ZC3HAV1: variants seen among roughly 807,000 people sequenced by gnomAD.
ZC3HAV1 encodes zinc finger CCCH-type containing, antiviral 1, also known as zinc finger CCCH-type antiviral protein 1.
A neutral mutation model predicts 86.6 loss-of-function variants in ZC3HAV1; 41 were observed. That is an observed-to-expected ratio of 0.47 (90% CI 0.37 to 0.61). The LOEUF (loss-of-function observed/expected upper bound fraction) is 0.61. Among genes scored for constraint, ZC3HAV1 ranks in the 20% least tolerant of loss-of-function variants. The pLI is 0.00. For missense variants in ZC3HAV1, 964 were observed against 1,141.1 expected, an observed-to-expected ratio of 0.84 and a Z score of 2.24; for synonymous variants, 421 against 432.1, an observed-to-expected ratio of 0.97 and a Z score of 0.32.
intron 8 of ZC3HAV1, among the ~76,000 whole-genome samples, chr7:139,063,723 CAAAAAAA>C (rs57944873): frequency 5.9e-4 from 44 of 73,974 alleles, no homozygotes; most frequent in Admixed American, 3.6e-3. Context: ...GACCCTGTCT[CAAAAAAA>C]AAAAAAAAAA....
Position 139,074,025 on chromosome 7 carries a change from G to T in ZC3HAV1, c.1703C>A (p.Ser568Tyr), listed in dbSNP as rs1563131216. 1.2e-6 allele frequency: 2 copies of T among 1,611,014 alleles called. No homozygotes were observed. The highest frequency in any genetic ancestry group is 1.1e-5 in the South Asian group (1 of 90,908). ...AAAATTGATTGTATAACTTCCTACA[G>T]AACAGCTGAGAGAGAAAAGTATTAA... ...GYCNPGIHLCSVGSYTINFRV... is the reference protein window; with the variant it reads ...GYCNPGIHLCYVGSYTINFRV... The change falls in exon 7 of 13, where the codon TCT becomes TAT. Residue 568 changes from serine to tyrosine, a missense_variant. Coordinates refer to ENST00000242351, the MANE Select transcript of ZC3HAV1 (RefSeq NM_020119.4).
chr7:139,106,429 A>T (rs1395959050), intron 1 of ZC3HAV1, among the ~76,000 whole-genome samples: 2 of 152,198 alleles, frequency 1.3e-5, no homozygotes, highest in Non-Finnish European at 2.9e-5. Flanking sequence ...CCTGGCCAAC[A>T]TCGCGAAACC....
chr7:139,053,050 T>C (rs1176820417), intron 12 of ZC3HAV1, among the ~76,000 whole-genome samples: 4 of 152,196 alleles, frequency 2.6e-5, no homozygotes, highest in Non-Finnish European at 5.9e-5. Context: ...GGGAGAGGCC[T>C]CTTCTCCCGC....
intron 12 of ZC3HAV1, among the ~76,000 whole-genome samples, chr7:139,052,606 CAAAAAAAAAAAAA>C (rs35386659): frequency 4.6e-5 from 3 of 64,962 alleles, no homozygotes; most frequent in South Asian, 1.1e-3. Context: ...ACTCTGTCTC[CAAAAAAAAAAAAA>C]AAAAAAAAAA....
chr7:139,067,875 A>T (rs1816651958), intron 7 of ZC3HAV1, among the ~76,000 whole-genome samples: 1 of 152,102 alleles, frequency 6.6e-6, no homozygotes, highest in African/African-American at 2.4e-5. Flanking sequence ...AAATGGGATG[A>T]GGCAAAGGGG....
intron 7 of ZC3HAV1, among the ~76,000 whole-genome samples, chr7:139,070,563 C>T (rs1816742246): frequency 6.7e-6 from 1 of 149,530 alleles, no homozygotes; most frequent in South Asian, 2.1e-4. Context: ...ATTTGGGAGG[C>T]TGAGGCAGGA....
At chr7:139,073,825 A>C in intron 7 of ZC3HAV1, 31 bp downstream of exon 7, 2 of 1,571,450 alleles carry the variant, frequency 1.3e-6, no homozygotes, top group Non-Finnish European at 1.7e-6. Context: ...AGTTTAAACA[A>C]GAGCCCCCTA....
chr7:139,076,003 CA>C (rs1241886613), intron 6 of ZC3HAV1, among the ~76,000 whole-genome samples: 1 of 152,170 alleles, frequency 6.6e-6, no homozygotes, highest in Non-Finnish European at 1.5e-5. Flanking sequence ...AGACAACTGT[CA>C]ACTAAACAAA....
intron 9 of ZC3HAV1, among the ~76,000 whole-genome samples, chr7:139,058,659 T>C (rs1174543857): frequency 6.6e-6 from 1 of 152,072 alleles, no homozygotes; most frequent in African/African-American, 2.4e-5. Flanking sequence ...TGTTATAGTA[T>C]GGGAAAGTGG....
intron 7 of ZC3HAV1, among the ~76,000 whole-genome samples, chr7:139,072,089 G>A (rs932343954): frequency 7.2e-5 from 11 of 152,170 alleles, no homozygotes; most frequent in African/African-American, 2.7e-4. Context: ...CCGTGCAAAA[G>A]TAATCAGTTT....
chr7:139,051,201 G>A (rs1032521852), intron 12 of ZC3HAV1, among the ~76,000 whole-genome samples: 2 of 151,970 alleles, frequency 1.3e-5, no homozygotes, highest in African/African-American at 4.8e-5. Flanking sequence ...GGGATTACAG[G>A]CATGGGCCAC....
intron 7 of ZC3HAV1, among the ~76,000 whole-genome samples, chr7:139,071,583 C>T (rs116337122): frequency 0.011 from 1,657 of 152,284 alleles, 29 homozygotes; most frequent in African/African-American, 0.038. Flanking sequence ...CTGACAGAAT[C>T]GCTTATTTGA....
chr7:139,060,353 TAG>T lies in ZC3HAV1; in HGVS notation c.2096+681_2096+682del, dbSNP rs1816407418. 9 of 985,494 alleles carry T rather than the reference TAG, an allele frequency of 9.1e-6. No individual in the cohort carries two copies. The South Asian group carries it at 4.2e-4, about 46-fold the overall frequency. 61.0% of individuals were successfully genotyped at this position (985,494 alleles called of 1,614,324 possible). A position where few individuals can be genotyped will look rare whatever the true frequency, so the allele number is the denominator to read the frequency against. On this transcript the variant is annotated intron_variant, in intron 9 of 12. Transcript: ENST00000242351. ...ACTCCAAAAATGTTCATGAACAATG[TAG>T]AGTTTACTGAGCAGTTCACAAGGAG...
intron 5 of ZC3HAV1, 107 bp from the exon 6 acceptor site, chr7:139,076,516 CA>C (rs1219964076): frequency 2.1e-6 from 3 of 1,444,166 alleles, no homozygotes; most frequent in Non-Finnish European, 2.8e-6. Context: ...TGCCCCCTGC[CA>C]GACAGGTTCC....
chr7:139,083,395 TG>T (rs1178113255), intron 3 of ZC3HAV1, among the ~76,000 whole-genome samples: 1 of 152,166 alleles, frequency 6.6e-6, no homozygotes, highest in Admixed American at 6.5e-5. Context: ...AGAGTGATTA[TG>T]GCAGTTTTTC....
intron 1 of ZC3HAV1, among the ~76,000 whole-genome samples, chr7:139,101,089 C>T (rs998852435): frequency 3.0e-4 from 46 of 152,316 alleles, no homozygotes; most frequent in African/African-American, 1.1e-3. Context: ...GAGTGATCCG[C>T]CAGCCTCGGC....
chr7:139,074,214 C>T (rs76564678), intron 6 of ZC3HAV1, among the ~76,000 whole-genome samples, 184 bp from the exon 7 acceptor site: 2,511 of 152,244 alleles, frequency 0.016, 68 homozygotes, highest in African/African-American at 0.057. Flanking sequence ...GAAAGTGACT[C>T]GCCTGCACCA....
chr7:139,058,447 C>A (rs912244093), intron 9 of ZC3HAV1, among the ~76,000 whole-genome samples: 7 of 147,162 alleles, frequency 4.8e-5, no homozygotes, highest in African/African-American at 1.3e-4. Flanking sequence ...CCAACCCCCC[C>A]CCCCCCCACA....
At position 139,066,047 on chromosome 7, in the gene ZC3HAV1, G is replaced by A. The variant is rs371353271; in HGVS notation, c.1873-1048C>T. Among the ~76,000 whole-genome samples, 4 of 152,174 alleles carry A rather than the reference G, an allele frequency of 2.6e-5. No individual in the cohort carries two copies. In the East Asian group the frequency reaches 5.8e-4, roughly 22 times the overall value. On this transcript the variant is annotated intron_variant, in intron 7 of 12. Transcript: ENST00000242351. The stretch of plus-strand genomic sequence containing the variant: ...TTGATTTTAGCAAGGGGCAGGCTAG[G>A]CTACCGATCCACTGCCCTCATTCCT...
Sources: gnomAD v4.1 joint callset for allele counts (sites outside exome capture counted in the v4.1 genomes callset) on GRCh38, gnomAD v4.1.1 for gene constraint, MANE v1.5 for transcripts, NCBI Gene and HGNC (gene_info 2026-07-23, HGNC 2026-07-21) for gene names.